Variants in RBFOX1 observed in about 807,000 individuals in gnomAD.
The protein encoded by RBFOX1 is RNA binding fox-1 homolog 1.
RBFOX1 carries 8 observed loss-of-function variants against 57.7 expected under a neutral mutation model. The observed-to-expected ratio is 0.14, with a 90% confidence interval of 0.08 to 0.25. RBFOX1 has a LOEUF of 0.25. Among genes scored for constraint, RBFOX1 ranks in the 10% least tolerant of loss-of-function variants. The probability of loss-of-function intolerance (pLI) is 1.00; values close to 1 mark genes in which losing one functional copy is unlikely to be tolerated. For synonymous variants in RBFOX1, 326 were observed against 222.4 expected (o/e 1.47, Z -4.15); for missense variants, 611 against 548.5 (o/e 1.11, Z -1.14).
intron 4 of RBFOX1, among the ~76,000 whole-genome samples, chr16:5,937,639 T>G (rs573259695): frequency 1.3e-5 from 2 of 150,302 alleles, no homozygotes; most frequent in African/African-American, 4.9e-5. Context: ...TAATACAGTT[T>G]TATATATATA....
intron 3 of RBFOX1, among the ~76,000 whole-genome samples, chr16:6,809,987 C>T (rs886935786): frequency 3.3e-5 from 5 of 150,826 alleles, no homozygotes; most frequent in African/African-American, 1.2e-4. Context: ...AGAGCTTGTT[C>T]TCCTGGGTGT....
intron 14 of RBFOX1, among the ~76,000 whole-genome samples, chr16:7,679,022 T>C (rs2074087241): frequency 6.6e-6 from 1 of 152,198 alleles, no homozygotes; most frequent in Admixed American, 6.6e-5. Flanking sequence ...GCTGTGGAAA[T>C]TGATAACTAT....
intron 2 of RBFOX1, among the ~76,000 whole-genome samples, chr16:6,338,924 A>G (rs139346052): frequency 6.6e-6 from 1 of 152,200 alleles, no homozygotes; most frequent in South Asian, 2.1e-4. Flanking sequence ...ATGCAGGAGA[A>G]TGAAATGGGA....
At chr16:5,818,601 CT>C (rs2055731867) in intron 3 of RBFOX1, among the ~76,000 whole-genome samples, 1 of 152,192 alleles carries the variant, frequency 6.6e-6, no homozygotes, top group Admixed American at 6.5e-5. Flanking sequence ...ACAATATTTA[CT>C]TTGTTAGTTT....
In RBFOX1 at chr16:6,425,174, A is replaced by G. The variant is rs78783197; in HGVS notation, c.-64+108117A>G. Among the ~76,000 whole-genome samples the G allele has an allele frequency of 6.1e-3, 933 of 152,290 alleles. 36 individuals carry two copies. The East Asian group carries it at 0.13, about 21-fold the overall frequency. Reference sequence around the variant, plus strand: ...GAGCTGAAATCTGAGTAGATAGAGGAACCAGGATTTTCTGTCCTGGGTTGA... The same window carrying G: ...GAGCTGAAATCTGAGTAGATAGAGGGACCAGGATTTTCTGTCCTGGGTTGA... On this transcript the variant is annotated intron_variant, in intron 2 of 15. Coordinates refer to ENST00000550418, the MANE Select transcript of RBFOX1 (RefSeq NM_018723.4).
rs142324821 is a variant in RBFOX1 at position 6,855,769 on chromosome 16, C to T, written c.-15-196288C>T. ...ATTGCGCAGCCCTTGGAAGTTTTATCCTCTACCTTTAGAGGATTTGAGTGA... is the reference window on the plus strand; with the variant it reads ...ATTGCGCAGCCCTTGGAAGTTTTATTCTCTACCTTTAGAGGATTTGAGTGA... On this transcript the variant is annotated intron_variant, in intron 3 of 15. Coordinates refer to ENST00000550418, the MANE Select transcript of RBFOX1 (RefSeq NM_018723.4). Among the ~76,000 whole-genome samples, 1,147 of 151,354 alleles carry T rather than the reference C, an allele frequency of 7.6e-3. 20 individuals carry two copies. The highest frequency in any genetic ancestry group is 0.027 in the African/African-American group (1,089 of 40,792).
chr16:5,919,444 G>A (rs888270947), intron 4 of RBFOX1, among the ~76,000 whole-genome samples: 1 of 152,134 alleles, frequency 6.6e-6, no homozygotes, highest in African/African-American at 2.4e-5. Context: ...CTGGGTTCAA[G>A]CGATTCTCCT....
intron 3 of RBFOX1, among the ~76,000 whole-genome samples, chr16:6,960,275 G>T (rs531308798): frequency 2.0e-5 from 3 of 152,104 alleles, no homozygotes; most frequent in Middle Eastern, 3.2e-3. Context: ...AGGTCTTCAG[G>T]CCTCAGATCT....
At position 7,211,391 on chromosome 16, in the gene RBFOX1, C is replaced by CAAAAAAAAA. The variant is rs57333413; in HGVS notation, c.27+159306_27+159314dup. Among the ~76,000 whole-genome samples, 4 of 83,934 alleles carry CAAAAAAAAA rather than the reference C, an allele frequency of 4.8e-5. No homozygotes were observed. In the South Asian group the frequency reaches 1.6e-3, roughly 33 times the overall value. 55.1% of individuals were successfully genotyped at this position (83,934 alleles called of 152,430 possible). A position where few individuals can be genotyped will look rare whatever the true frequency, so the allele number is the denominator to read the frequency against. On this transcript the variant is annotated intron_variant, in intron 4 of 15. Coordinates refer to ENST00000550418, the MANE Select transcript of RBFOX1 (RefSeq NM_018723.4). ...TGGGCGACAGAGTGAGACTGCCTCT[C>CAAAAAAAAA]AAAAAAAAAAAAAAAAAAAAATTGG...
At chr16:7,201,846 G>A (rs1244632941) in intron 4 of RBFOX1, among the ~76,000 whole-genome samples, 4 of 152,190 alleles carry the variant, frequency 2.6e-5, no homozygotes, top group Non-Finnish European at 4.4e-5. Context: ...CATTTGGGCA[G>A]TGACTGTAGA....
intron 1 of RBFOX1, among the ~76,000 whole-genome samples, chr16:6,122,802 ATGTGTGTGTGTGTG>A (rs4038155): frequency 6.8e-6 from 1 of 147,734 alleles, no homozygotes; most frequent in African/African-American, 2.5e-5. Context: ...ATGTGTGTGT[ATGTGTGTGTGTGTG>A]TGTGTGTGTG....
At chr16:7,644,082 G>A (rs141852560) in intron 11 of RBFOX1, among the ~76,000 whole-genome samples, 2 of 152,308 alleles carry the variant, frequency 1.3e-5, no homozygotes, top group South Asian at 2.1e-4. Context: ...AGCAGAGAGA[G>A]AGTAGAAGTA....
intron 3 of RBFOX1, among the ~76,000 whole-genome samples, chr16:5,781,393 C>G (rs2054319713): frequency 6.6e-6 from 1 of 152,094 alleles, no homozygotes; most frequent in South Asian, 2.1e-4. Context: ...TTGGATAGGA[C>G]AGGGTAGGGC....
intron 2 of RBFOX1, among the ~76,000 whole-genome samples, chr16:5,569,748 C>T (rs971592928): frequency 5.3e-5 from 8 of 151,974 alleles, no homozygotes; most frequent in African/African-American, 1.9e-4. Flanking sequence ...TTCCTCATGA[C>T]CCCTCCATCT....
chr16:5,456,353 C>T (rs1031272185), intron 1 of RBFOX1, among the ~76,000 whole-genome samples: 1 of 152,110 alleles, frequency 6.6e-6, no homozygotes, highest in Non-Finnish European at 1.5e-5. Context: ...GTGAAACTCG[C>T]CTTGTCTGTC....
At chr16:6,932,063 T>C (rs146082467) in intron 3 of RBFOX1, among the ~76,000 whole-genome samples, 1 of 152,166 alleles carries the variant, frequency 6.6e-6, no homozygotes, top group Non-Finnish European at 1.5e-5. Flanking sequence ...GGCAGAGCCT[T>C]CATGACCTGA....
chr16:5,305,666 T>C (rs4786022), intron 1 of RBFOX1, among the ~76,000 whole-genome samples: 104,154 of 152,038 alleles, frequency 0.69, 35,766 homozygotes, highest in Admixed American at 0.76. Flanking sequence ...TGGGAAATCC[T>C]ACACATGCAG....
At chr16:5,741,931 G>T (rs939303994) in intron 3 of RBFOX1, among the ~76,000 whole-genome samples, 4 of 152,202 alleles carry the variant, frequency 2.6e-5, no homozygotes, top group African/African-American at 9.7e-5. Flanking sequence ...CCAGTATGTA[G>T]GGATGAACGG....
At chr16:7,090,780 G>A (rs141614161) in intron 4 of RBFOX1, among the ~76,000 whole-genome samples, 4 of 152,176 alleles carry the variant, frequency 2.6e-5, no homozygotes, top group Admixed American at 6.5e-5. Flanking sequence ...CCTTCCCTAC[G>A]GACTTCTTGG....
Sources: allele counts gnomAD v4.1 joint callset (sites outside exome capture counted in the v4.1 genomes callset), GRCh38; gene constraint gnomAD v4.1.1; transcripts MANE v1.5; gene names NCBI Gene and HGNC (gene_info 2026-07-23, HGNC 2026-07-21).